The following GDI2 variants were observed in gnomAD, a reference collection of about 807,000 sequenced individuals.
The protein encoded by GDI2 is rab GDP dissociation inhibitor beta.
In GDI2, 22 loss-of-function variants were observed where a neutral mutation model predicts 54.2. The ratio of observed to expected loss-of-function variants is 0.41; its 90% CI spans 0.29 to 0.58. GDI2 has a LOEUF of 0.58. Ranked by LOEUF, GDI2 falls within the 20% of genes least tolerant of loss-of-function variation. The pLI is 0.35. For missense variants in GDI2, 422 were observed against 546.0 expected (o/e 0.77, Z 2.26); for synonymous variants, 177 against 182.1 (o/e 0.97, Z 0.23).
chr10:5,808,507 C>T (rs1176849478), intron 1 of GDI2, among the ~76,000 whole-genome samples: 1 of 151,838 alleles, frequency 6.6e-6, no homozygotes, highest in Non-Finnish European at 1.5e-5. Context: ...AACCCCATCG[C>T]TACTAAACAT....
At chr10:5,770,806 A>G (rs1045863750) in intron 7 of GDI2, among the ~76,000 whole-genome samples, 4 of 151,790 alleles carry the variant, frequency 2.6e-5, no homozygotes, top group African/African-American at 9.7e-5. Context: ...TCTCTACTAA[A>G]AATACAAAAA....
intron 4 of GDI2, among the ~76,000 whole-genome samples, chr10:5,790,898 G>A (rs777393178): frequency 2.0e-5 from 3 of 152,200 alleles, no homozygotes; most frequent in Non-Finnish European, 4.4e-5. Context: ...GCTCACGCCT[G>A]TAGTGCTAAG....
At chr10:5,805,418 G>A (rs930069226) in intron 1 of GDI2, among the ~76,000 whole-genome samples, 10 of 147,766 alleles carry the variant, frequency 6.8e-5, no homozygotes, top group Admixed American at 3.4e-4. Flanking sequence ...GTCTCACTCC[G>A]TTGCCCAGCC....
At chr10:5,771,697 C>T (rs1277853998) in intron 7 of GDI2, among the ~76,000 whole-genome samples, 1 of 151,984 alleles carries the variant, frequency 6.6e-6, no homozygotes, top group Non-Finnish European at 1.5e-5. Flanking sequence ...TGTATTATAG[C>T]CTCCTTCCCT....
chr10:5,789,339 A>G (rs1840955032), intron 4 of GDI2, among the ~76,000 whole-genome samples: 1 of 151,954 alleles, frequency 6.6e-6, no homozygotes, highest in African/African-American at 2.4e-5. Context: ...GGCTCAAGTG[A>G]TCCACCCACC....
At chr10:5,811,535 A>C (rs1426451895) in intron 1 of GDI2, among the ~76,000 whole-genome samples, 6 of 152,160 alleles carry the variant, frequency 3.9e-5, no homozygotes, top group African/African-American at 9.7e-5. Context: ...GACCAGCAAC[A>C]ACCATAGAAA....
intron 1 of GDI2, among the ~76,000 whole-genome samples, chr10:5,803,745 TAAG>T (rs1472264058): frequency 3.3e-5 from 5 of 151,744 alleles, no homozygotes; most frequent in Non-Finnish European, 4.4e-5. Flanking sequence ...CAAACCAAAT[TAAG>T]AAGAGGGAAA....
chr10:5,772,635 T>G (rs979623840), intron 7 of GDI2, among the ~76,000 whole-genome samples: 1 of 152,118 alleles, frequency 6.6e-6, no homozygotes, highest in African/African-American at 2.4e-5. Flanking sequence ...CATGCATCTG[T>G]AATTCCAGCT....
chr10:5,813,203 C>T lies in GDI2; in HGVS notation c.45+11G>A. On this transcript the variant is annotated intron_variant, in intron 1 of 10. Transcript: ENST00000380191. ...GCTGCTCAGCCCCGGCCCCTCAGCC[C>T]TGGCGCCCACCGTCAGGCCGGTGCC... The T allele has an allele frequency of 6.4e-7, 1 of 1,563,694 alleles. No individual in the cohort carries two copies. Among genetic ancestry groups the T allele is most frequent in the Non-Finnish European group, 8.7e-7 (1 of 1,153,604 alleles).
chr10:5,780,574 A>T (rs574001487), intron 6 of GDI2, among the ~76,000 whole-genome samples: 1 of 152,402 alleles, frequency 6.6e-6, no homozygotes, highest in African/African-American at 2.4e-5. Flanking sequence ...GTACAAGATC[A>T]TAGGATACAA....
At chr10:5,773,374 T>G (rs1177585923) in intron 7 of GDI2, among the ~76,000 whole-genome samples, 1 of 152,170 alleles carries the variant, frequency 6.6e-6, no homozygotes, top group East Asian at 1.9e-4. Flanking sequence ...TTGTGATTTT[T>G]TTTTTCAGTA....
intron 4 of GDI2, among the ~76,000 whole-genome samples, chr10:5,791,775 G>T (rs1841020527): frequency 6.6e-6 from 1 of 151,630 alleles, no homozygotes; most frequent in African/African-American, 2.4e-5. Flanking sequence ...AATAAGCCAG[G>T]TGTGGTGGCG....
intron 6 of GDI2, among the ~76,000 whole-genome samples, chr10:5,775,091 C>G (rs957084738): frequency 1.3e-5 from 2 of 152,166 alleles, no homozygotes; most frequent in Non-Finnish European, 2.9e-5. Flanking sequence ...AGTTTAAGAC[C>G]AGCCTTGGCA....
chr10:5,812,963 C>T (rs1841508603), intron 1 of GDI2, among the ~76,000 whole-genome samples: 4 of 152,242 alleles, frequency 2.6e-5, no homozygotes, highest in Admixed American at 1.3e-4. Context: ...GCTCGGCCGT[C>T]ACCCCGCCCC....
chr10:5,781,338 T>C (rs1840749152), intron 6 of GDI2, among the ~76,000 whole-genome samples: 1 of 150,364 alleles, frequency 6.7e-6, no homozygotes, highest in Non-Finnish European at 1.5e-5. Context: ...AAAAGACTTC[T>C]AAAATAGGGC....
At chr10:5,794,795 A>G (rs986038632) in intron 4 of GDI2, 90 bp downstream of exon 4, 1 of 850,238 alleles carries the variant, frequency 1.2e-6, no homozygotes, top group Non-Finnish European at 1.9e-6. Flanking sequence ...ATATTTGTTG[A>G]CTGGGTCCTC....
Position 5,766,865 on chromosome 10 carries a change from G to A in GDI2, c.992-227C>T, listed in dbSNP as rs557282127. Among the ~76,000 whole-genome samples the A allele has an allele frequency of 2.0e-5, 3 of 152,284 alleles. No homozygotes were observed. Among genetic ancestry groups the A allele is most frequent in the Non-Finnish European group, 2.9e-5 (2 of 68,008 alleles). Reference sequence around the variant, plus strand: ...AGAGATTAAGAATTGAAGTGGTAGCGAACTGCTGAAGTTTGGAATGAGATC... The same window carrying A: ...AGAGATTAAGAATTGAAGTGGTAGCAAACTGCTGAAGTTTGGAATGAGATC... On this transcript the variant is annotated intron_variant, in intron 8 of 10. Coordinates refer to ENST00000380191, the MANE Select transcript of GDI2 (RefSeq NM_001494.4). This position sits in a 1 kb window ranked among gnomAD's most constrained non-coding sequence, Gnocchi z 5.8.
Position 5,773,849 on chromosome 10 carries a change from TC to T in GDI2, c.811del (p.Glu271LysfsTer17). The T allele has an allele frequency of 1.5e-6, 2 of 1,375,782 alleles. No individual in the cohort carries two copies. The highest frequency in any genetic ancestry group is 1.4e-5 in the African/African-American group (1 of 70,182). The allele number at this position is 1,375,782 out of a possible 1,614,324, so 85.2% of individuals were successfully genotyped here. ...QNGKVIGVKS[E>X]GEIARCKQLI... ...ATTTTAAAAGCTACTTACTTCTCCT[TC>T]AGATTTTACACCAATTACTTTTCCA... is the stretch of plus-strand genomic sequence containing the variant. On this transcript the variant is annotated frameshift_variant, in exon 7 of 11. Transcript: ENST00000380191. LOFTEE classifies it high-confidence loss of function.
At position 5,804,573 on chromosome 10, in the gene GDI2, G is replaced by A. The variant is rs916371871; in HGVS notation, c.46-3868C>T. ...CTAATCATGTGTATTAACTTTCTGCGTCTGACATTATGCAACACGTTTTAA... is the reference window on the plus strand; with the variant it reads ...CTAATCATGTGTATTAACTTTCTGCATCTGACATTATGCAACACGTTTTAA... On this transcript the variant is annotated intron_variant, in intron 1 of 10. Coordinates refer to ENST00000380191, the MANE Select transcript of GDI2 (RefSeq NM_001494.4). Among the ~76,000 whole-genome samples, 19 of 152,194 alleles carry A rather than the reference G, an allele frequency of 1.2e-4. 1 individual carries two copies. The highest frequency in any genetic ancestry group is 5.8e-4 in the East Asian group (3 of 5,186).
Sources: allele counts gnomAD v4.1 joint callset (sites outside exome capture counted in the v4.1 genomes callset), GRCh38; gene constraint gnomAD v4.1.1; non-coding constraint Gnocchi (gnomAD v3.1); transcripts MANE v1.5; gene names NCBI Gene and HGNC (gene_info 2026-07-23, HGNC 2026-07-21).